TMEM132D: variants seen among roughly 807,000 people sequenced by gnomAD.
TMEM132D encodes the protein mature OL transmembrane protein.
A neutral mutation model predicts 62.3 loss-of-function variants in TMEM132D; 21 were observed. That is an observed-to-expected ratio of 0.34 (90% confidence interval 0.24 to 0.49). The LOEUF (loss-of-function observed/expected upper bound fraction) is 0.49, where lower values mean the gene tolerates loss of function less well. Among genes scored for constraint, TMEM132D ranks in the 20% least tolerant of loss-of-function variants. TMEM132D has a pLI of 0.99. For synonymous variants in TMEM132D, 621 were observed against 575.6 expected (o/e 1.08, Z -1.13); for missense variants, 1,346 against 1,402.8 (o/e 0.96, Z 0.65).
In TMEM132D at chr12:129,250,770, A is replaced by G. The variant is rs192674132; in HGVS notation, c.1300-41107T>C. Among the ~76,000 whole-genome samples the G allele has an allele frequency of 3.9e-5, 6 of 152,292 alleles. No homozygotes were observed. In the East Asian group the frequency reaches 1.2e-3, roughly 29 times the overall value. On this transcript the variant is annotated intron_variant, in intron 4 of 8. Coordinates refer to ENST00000422113, the MANE Select transcript of TMEM132D (RefSeq NM_133448.3). ...AAGACAAGAACATGAGCTCCACTGG[A>G]GTCTGGCTCTGGTCTTTTGGGGCAG...
At chr12:129,274,383 G>C (rs1004696665) in intron 4 of TMEM132D, among the ~76,000 whole-genome samples, 1 of 152,172 alleles carries the variant, frequency 6.6e-6, no homozygotes, top group African/African-American at 2.4e-5. Flanking sequence ...TGAGATACAT[G>C]GCGAGGTACA....
intron 3 of TMEM132D, among the ~76,000 whole-genome samples, chr12:129,391,062 T>G (rs1310457251): frequency 6.6e-6 from 1 of 152,204 alleles, no homozygotes; most frequent in Non-Finnish European, 1.5e-5. Flanking sequence ...ATTGAATCAT[T>G]AGATCCTCAT....
intron 1 of TMEM132D, among the ~76,000 whole-genome samples, chr12:129,860,618 A>G (rs1267894424): frequency 6.6e-6 from 1 of 152,178 alleles, no homozygotes; most frequent in Non-Finnish European, 1.5e-5. Flanking sequence ...TTATCTAGCT[A>G]TGTCATCTTG....
intron 3 of TMEM132D, among the ~76,000 whole-genome samples, chr12:129,370,760 A>C (rs761555980): frequency 1.3e-5 from 2 of 152,268 alleles, no homozygotes; most frequent in Non-Finnish European, 2.9e-5. Flanking sequence ...CATTATGTTA[A>C]GTAAACTAAG....
intron 3 of TMEM132D, among the ~76,000 whole-genome samples, chr12:129,376,813 T>C (rs1870793718): frequency 6.6e-6 from 1 of 152,216 alleles, no homozygotes; most frequent in African/African-American, 2.4e-5. Flanking sequence ...GAGTTATTTC[T>C]TGTAAACGTG....
At chr12:129,565,873 G>A (rs539608243) in intron 2 of TMEM132D, among the ~76,000 whole-genome samples, 43 of 152,316 alleles carry the variant, frequency 2.8e-4, no homozygotes, top group South Asian at 2.1e-3. Context: ...TGTTAGTCAC[G>A]GAAGCACACT....
At chr12:129,175,563 C>T (rs1877879769) in intron 5 of TMEM132D, among the ~76,000 whole-genome samples, 1 of 152,146 alleles carries the variant, frequency 6.6e-6, no homozygotes, top group Non-Finnish European at 1.5e-5. Context: ...ACAAAAATAA[C>T]CAGGCATGGT....
At chr12:129,518,986 A>C (rs796138259) in intron 3 of TMEM132D, among the ~76,000 whole-genome samples, 1 of 152,214 alleles carries the variant, frequency 6.6e-6, no homozygotes, top group African/African-American at 2.4e-5. Flanking sequence ...TCCATTGGTT[A>C]CAATTCCATT....
chr12:129,327,059 T>A (rs1213364141), intron 4 of TMEM132D, among the ~76,000 whole-genome samples: 1 of 152,162 alleles, frequency 6.6e-6, no homozygotes, highest in Non-Finnish European at 1.5e-5. Context: ...GCAGTGCTGC[T>A]GTTGCCTAGC....
At chr12:129,653,416 C>T (rs1186514894) in intron 2 of TMEM132D, among the ~76,000 whole-genome samples, 2 of 152,178 alleles carry the variant, frequency 1.3e-5, no homozygotes, top group African/African-American at 4.8e-5. Context: ...GATATTTCTC[C>T]ATGGAAGAAG....
intron 5 of TMEM132D, among the ~76,000 whole-genome samples, chr12:129,173,759 T>C (rs1877808118): frequency 6.6e-6 from 1 of 152,146 alleles, no homozygotes; most frequent in Non-Finnish European, 1.5e-5. Context: ...TAACTTTATT[T>C]TTGTGAATAT....
intron 4 of TMEM132D, among the ~76,000 whole-genome samples, chr12:129,311,068 G>T (rs1286127482): frequency 1.9e-5 from 2 of 107,722 alleles, no homozygotes; most frequent in African/African-American, 8.7e-5. Flanking sequence ...CGTGGTAGCG[G>T]GCGCCTGTAG....
intron 5 of TMEM132D, among the ~76,000 whole-genome samples, chr12:129,090,672 A>AAAAAG (rs539420961): frequency 4.6e-5 from 7 of 151,926 alleles, no homozygotes; most frequent in Non-Finnish European, 7.4e-5. Flanking sequence ...TGTCTGAAAA[A>AAAAAG]AAAAGAAAAG....
At chr12:129,556,768 C>A (rs1301371776) in intron 2 of TMEM132D, among the ~76,000 whole-genome samples, 1 of 152,172 alleles carries the variant, frequency 6.6e-6, no homozygotes, top group Admixed American at 6.5e-5. Context: ...TCCTCAGCTG[C>A]GCAGCATCAC....
At chr12:129,507,665 C>A (rs1209057114) in intron 3 of TMEM132D, among the ~76,000 whole-genome samples, 1 of 152,034 alleles carries the variant, frequency 6.6e-6, no homozygotes, top group Non-Finnish European at 1.5e-5. Context: ...TACTAGGATG[C>A]AAAAGCACAA....
At chr12:129,276,428 A>T (rs1881009653) in intron 4 of TMEM132D, among the ~76,000 whole-genome samples, 1 of 152,206 alleles carries the variant, frequency 6.6e-6, no homozygotes, top group South Asian at 2.1e-4. Flanking sequence ...GCTACTTATA[A>T]GCCAGGGATT....
chr12:129,492,762 C>T lies in TMEM132D; in HGVS notation c.1115+38297G>A, dbSNP rs141542530. 1.3e-3 allele frequency among the ~76,000 whole-genome samples: 192 copies of T among 152,160 alleles called. 1 individual carries two copies. The highest frequency in any genetic ancestry group is 2.2e-3 in the Non-Finnish European group (153 of 68,012). Reference sequence around the variant, plus strand: ...TTCTGTTTTCCACTCTCTAGAGTCACGCGAGACTGCTTTACCCTCAAGTCA... The same window carrying T: ...TTCTGTTTTCCACTCTCTAGAGTCATGCGAGACTGCTTTACCCTCAAGTCA... On this transcript the variant is annotated intron_variant, in intron 3 of 8. Transcript: ENST00000422113.
intron 2 of TMEM132D, among the ~76,000 whole-genome samples, chr12:129,559,249 T>C (rs146442537): frequency 6.6e-6 from 1 of 152,332 alleles, no homozygotes; most frequent in East Asian, 1.9e-4. Flanking sequence ...TAGGTATTTT[T>C]CTTAGGCAGA....
chr12:129,409,086 C>G (rs1338211638), intron 3 of TMEM132D, among the ~76,000 whole-genome samples: 1 of 152,134 alleles, frequency 6.6e-6, no homozygotes, highest in Non-Finnish European at 1.5e-5. Flanking sequence ...GCACCCACCA[C>G]CATGCCTGGC....
Sources: gnomAD v4.1 joint callset for allele counts (sites outside exome capture counted in the v4.1 genomes callset) on GRCh38, gnomAD v4.1.1 for gene constraint, MANE v1.5 for transcripts, NCBI Gene and HGNC (gene_info 2026-07-23, HGNC 2026-07-21) for gene names.